ARMH3: variants seen among roughly 807,000 people sequenced by gnomAD.
ARMH3 encodes the protein armadillo like helical domain containing 3.
ARMH3 carries 60 observed loss-of-function variants against 99.1 expected under a neutral mutation model. The observed-to-expected ratio is 0.61, with a 90% CI of 0.49 to 0.75. The LOEUF (loss-of-function observed/expected upper bound fraction) is 0.75, where lower values mean the gene tolerates loss of function less well. Among genes scored for constraint, ARMH3 ranks in the 30% least tolerant of loss-of-function variants. ARMH3 has a pLI of 0.00. For missense variants in ARMH3, 679 were observed against 843.1 expected (o/e 0.81, Z 2.41); for synonymous variants, 285 against 292.8 (o/e 0.97, Z 0.27).
Position 102,017,749 on chromosome 10 carries a change from G to A in ARMH3, c.670-3725C>T, listed in dbSNP as rs560619400. Among the ~76,000 whole-genome samples the A allele has an allele frequency of 8.7e-4, 132 of 152,206 alleles. 1 individual carries two copies. The highest frequency in any genetic ancestry group is 8.4e-4 in the Non-Finnish European group (57 of 68,018). ...TGGGAATAAATTTCATATTTATTAG[G>A]AGCTCTACCCACCATTCATCAGTTC... On this transcript the variant is annotated intron_variant, in intron 8 of 25. Transcript: ENST00000370033.
At chr10:101,921,746 C>A (rs541691766) in intron 23 of ARMH3, among the ~76,000 whole-genome samples, 1 of 152,118 alleles carries the variant, frequency 6.6e-6, no homozygotes, top group Non-Finnish European at 1.5e-5. Context: ...AGACAAATTT[C>A]GCATGTTCTC....
intron 1 of ARMH3, among the ~76,000 whole-genome samples, chr10:102,053,975 T>A (rs965276243): frequency 1.3e-5 from 2 of 152,184 alleles, no homozygotes; most frequent in Non-Finnish European, 2.9e-5. Flanking sequence ...CCCTTATATA[T>A]CCTGGATCAA....
rs1343652168 is a variant in ARMH3, at chr10:101,956,670, G to C, written c.1632C>G (p.Thr544=). ...FITYGDTFLP[T]PSSYDELYYE... ...AGTAAAGTTCATCATAGCTGCTGGGGGTTGGCAGAAATGTGTCGCCATATG... is the reference window on the plus strand; with the variant it reads ...AGTAAAGTTCATCATAGCTGCTGGGCGTTGGCAGAAATGTGTCGCCATATG... Residue 544 remains threonine, a synonymous_variant, in exon 22 of 26, where the codon ACC becomes ACG. Transcript: ENST00000370033. The C allele has an allele frequency of 1.2e-6, 2 of 1,613,536 alleles. No homozygotes were observed. Among genetic ancestry groups the C allele is most frequent in the Admixed American group, 1.7e-5 (1 of 59,988 alleles).
intron 1 of ARMH3, among the ~76,000 whole-genome samples, chr10:102,044,586 G>A (rs922614110): frequency 5.3e-5 from 8 of 151,902 alleles, no homozygotes; most frequent in African/African-American, 1.9e-4. Flanking sequence ...TGCCCTGGCT[G>A]GTCTCAAACT....
At chr10:101,958,937 A>G (rs1351611517) in intron 20 of ARMH3, among the ~76,000 whole-genome samples, 1 of 152,172 alleles carries the variant, frequency 6.6e-6, no homozygotes, top group East Asian at 1.9e-4. Context: ...AAAGTACAAG[A>G]GGCTGGCTTC....
intron 9 of ARMH3, among the ~76,000 whole-genome samples, chr10:102,013,136 T>C (rs1268181707): frequency 1.3e-5 from 2 of 152,208 alleles, no homozygotes; most frequent in East Asian, 1.9e-4. Context: ...CCAGCCCAGA[T>C]TGTTGACAAT....
intron 15 of ARMH3, among the ~76,000 whole-genome samples, chr10:102,000,463 T>C (rs1467114715): frequency 6.6e-6 from 1 of 151,730 alleles, no homozygotes; most frequent in Non-Finnish European, 1.5e-5. Context: ...TTTTGTAAGA[T>C]GAAAAAGTTC....
At chr10:102,051,390 T>C (rs1298218897) in intron 1 of ARMH3, among the ~76,000 whole-genome samples, 2 of 151,270 alleles carry the variant, frequency 1.3e-5, no homozygotes, top group South Asian at 4.2e-4. Flanking sequence ...GGAGAATCAC[T>C]TGAACCCAAG....
intron 2 of ARMH3, among the ~76,000 whole-genome samples, chr10:102,038,761 A>G (rs1232197993): frequency 6.7e-6 from 1 of 148,418 alleles, no homozygotes; most frequent in Non-Finnish European, 1.5e-5. Flanking sequence ...CTTTTTTTTG[A>G]GATAGGGTCT....
chr10:101,956,969 T>C (rs1224355081), intron 21 of ARMH3, among the ~76,000 whole-genome samples: 2 of 152,208 alleles, frequency 1.3e-5, no homozygotes, highest in East Asian at 3.9e-4. Flanking sequence ...AATTATTTTC[T>C]ACCTTTTACT....
intron 23 of ARMH3, among the ~76,000 whole-genome samples, chr10:101,927,186 T>A (rs2135641464): frequency 6.6e-6 from 1 of 152,254 alleles, no homozygotes; most frequent in South Asian, 2.1e-4. Context: ...CCATAAAAAG[T>A]TAAAGCTAAG....
At chr10:102,019,799 G>T (rs2066837291) in intron 8 of ARMH3, among the ~76,000 whole-genome samples, 1 of 151,698 alleles carries the variant, frequency 6.6e-6, no homozygotes, top group Non-Finnish European at 1.5e-5. Flanking sequence ...GTGGTGGCAG[G>T]CACTTGTAAT....
intron 8 of ARMH3, among the ~76,000 whole-genome samples, chr10:102,020,833 C>CT (rs917843074): frequency 6.9e-6 from 1 of 144,826 alleles, no homozygotes; most frequent in Admixed American, 7.0e-5. Flanking sequence ...GGGCAACAGA[C>CT]TAAGACTCTG....
chr10:101,937,835 A>T (rs1337207972), intron 23 of ARMH3, among the ~76,000 whole-genome samples: 1 of 152,126 alleles, frequency 6.6e-6, no homozygotes, highest in African/African-American at 2.4e-5. Context: ...ACATTCAAAC[A>T]CTTCTTTCCA....
At chr10:101,856,484 T>C (rs1381723941) in intron 24 of ARMH3, among the ~76,000 whole-genome samples, 1 of 152,048 alleles carries the variant, frequency 6.6e-6, no homozygotes, top group African/African-American at 2.4e-5. Flanking sequence ...AAGGCTAATC[T>C]TCCATTTTCC....
chr10:101,865,792 T>C (rs555233078), intron 24 of ARMH3, among the ~76,000 whole-genome samples: 1 of 151,770 alleles, frequency 6.6e-6, no homozygotes, highest in East Asian at 2.0e-4. Context: ...CCTGGCCTAC[T>C]GTAATATTTT....
At chr10:101,999,833 C>T (rs997344063) in intron 15 of ARMH3, among the ~76,000 whole-genome samples, 1 of 151,982 alleles carries the variant, frequency 6.6e-6, no homozygotes, top group African/African-American at 2.4e-5. Flanking sequence ...ACCTGTAATC[C>T]CGGCACTTTG....
intron 23 of ARMH3, among the ~76,000 whole-genome samples, chr10:101,891,954 C>A (rs1213570863): frequency 5.3e-5 from 8 of 150,492 alleles, no homozygotes; most frequent in Non-Finnish European, 1.2e-4. Context: ...ACAAAAAATA[C>A]AAAAAAATTT....
intron 17 of ARMH3, among the ~76,000 whole-genome samples, chr10:101,992,485 A>T (rs1470823156): frequency 6.6e-6 from 1 of 150,624 alleles, no homozygotes; most frequent in South Asian, 2.1e-4. Flanking sequence ...TTTACATCTA[A>T]ACCTCAATGT....
Sources: allele counts gnomAD v4.1 joint callset (sites outside exome capture counted in the v4.1 genomes callset), GRCh38; gene constraint gnomAD v4.1.1; transcripts MANE v1.5; gene names NCBI Gene and HGNC (gene_info 2026-07-23, HGNC 2026-07-21).